Variants in HKDC1 observed in about 807,000 individuals in gnomAD.
HKDC1 encodes the protein hexokinase domain containing 1.
A neutral mutation model predicts 96.6 loss-of-function variants in HKDC1; 66 were observed. That is an observed-to-expected ratio of 0.68 (90% CI 0.56 to 0.84). HKDC1 has a LOEUF of 0.84. Among genes scored for constraint, HKDC1 ranks in the 40% least tolerant of loss-of-function variants. HKDC1 has a pLI of 0.00. For synonymous variants in HKDC1, 466 were observed against 473.1 expected, an observed-to-expected ratio of 0.98 and a Z score of 0.20; for missense variants, 1,211 against 1,208.1, an observed-to-expected ratio of 1.00 and a Z score of -0.04.
chr10:69,240,789 A>G, intron 6 of HKDC1, 38 bp downstream of exon 6: 1 of 1,496,348 alleles, frequency 6.7e-7, no homozygotes. Context: ...GGTAGGGGAG[A>G]AGGGACTGTT....
chr10:69,226,356 G>A (rs1211144137), intron 1 of HKDC1, among the ~76,000 whole-genome samples: 2 of 152,126 alleles, frequency 1.3e-5, no homozygotes, highest in African/African-American at 2.4e-5. Context: ...AACCAAAATG[G>A]ACATTTATGG....
At chr10:69,230,978 G>A (rs1019720972) in intron 2 of HKDC1, among the ~76,000 whole-genome samples, 42 of 152,146 alleles carry the variant, frequency 2.8e-4, no homozygotes, top group African/African-American at 9.7e-4. Flanking sequence ...CTGTTGCCTG[G>A]GCAAGTCCTC....
At chr10:69,232,112 G>A (rs1388080129) in intron 2 of HKDC1, among the ~76,000 whole-genome samples, 1 of 152,176 alleles carries the variant, frequency 6.6e-6, no homozygotes, top group Non-Finnish European at 1.5e-5. Context: ...CAAAATGCTG[G>A]GATTACAGGC....
chr10:69,245,058 T>G (rs1473133988), intron 7 of HKDC1, among the ~76,000 whole-genome samples: 1 of 152,056 alleles, frequency 6.6e-6, no homozygotes, highest in African/African-American at 2.4e-5. Context: ...TGCGCCACCA[T>G]GCCCGGCTAA....
chr10:69,247,662 G>T, intron 9 of HKDC1, 69 bp downstream of exon 9: 1 of 1,259,766 alleles, frequency 7.9e-7, no homozygotes, highest in East Asian at 2.5e-5. Flanking sequence ...GTGTCTTCTG[G>T]ACTATCCTGC....
At chr10:69,237,692 G>A (rs941218949) in intron 4 of HKDC1, among the ~76,000 whole-genome samples, 5 of 152,106 alleles carry the variant, frequency 3.3e-5, no homozygotes, top group African/African-American at 1.2e-4. Context: ...ATCTCTCCCC[G>A]CTCTGTCCCT....
chr10:69,226,852 A>G (rs1291499469), intron 1 of HKDC1, among the ~76,000 whole-genome samples: 1 of 152,084 alleles, frequency 6.6e-6, no homozygotes, highest in Non-Finnish European at 1.5e-5. Flanking sequence ...TTTGGTGGAG[A>G]GGAATGGGAC....
intron 2 of HKDC1, 176 bp from the exon 3 acceptor site, chr10:69,232,588 G>A (rs756419352): frequency 2.4e-5 from 15 of 633,552 alleles, no homozygotes; most frequent in African/African-American, 9.2e-5. Context: ...TCAGCTCTGC[G>A]CCTTACCTCG....
At chr10:69,254,785 C>A (rs1402411875) in intron 12 of HKDC1, among the ~76,000 whole-genome samples, 2 of 152,070 alleles carry the variant, frequency 1.3e-5, no homozygotes, top group African/African-American at 2.4e-5. Flanking sequence ...AGTTCACACA[C>A]AGCGTGAATT....
intron 1 of HKDC1, among the ~76,000 whole-genome samples, chr10:69,223,877 C>T (rs1843107600): frequency 2.0e-5 from 3 of 150,594 alleles, no homozygotes; most frequent in Admixed American, 1.3e-4. Flanking sequence ...GCCACCATGC[C>T]TGGCCTCATT....
rs572781556 is a variant in HKDC1 at position 69,237,809 on chromosome 10, A to C, written c.496-1233A>C. On this transcript the variant is annotated intron_variant, in intron 4 of 17. Transcript: ENST00000354624. Reference sequence around the variant, plus strand: ...AGCCCGAGGGCTGGTCCAGAGTCAGAGACCTGCATTCGGCTTGGGCTCTAT... The same window carrying C: ...AGCCCGAGGGCTGGTCCAGAGTCAGCGACCTGCATTCGGCTTGGGCTCTAT... Among the ~76,000 whole-genome samples, 99 of 109,186 alleles carry C rather than the reference A, an allele frequency of 9.1e-4. 2 individuals are homozygous for C. Among genetic ancestry groups the C allele is most frequent in the Admixed American group, 5.3e-3 (61 of 11,448 alleles). The allele number at this position is 109,186 out of a possible 152,430, so 71.6% of individuals were successfully genotyped here.
At chr10:69,230,885 G>T (rs1170505356) in intron 2 of HKDC1, among the ~76,000 whole-genome samples, 1 of 152,192 alleles carries the variant, frequency 6.6e-6, no homozygotes, top group East Asian at 1.9e-4. Flanking sequence ...CTCCCAAAGT[G>T]CTGGGACCAC....
chr10:69,247,573 C>T lies in HKDC1; in HGVS notation c.1245C>T (p.Thr415=), dbSNP rs746861268. ...GGACCACAGTGGGCATGGACGGCAC[C>T]CTCTACAAGATACACCCTCAGTGAG... ...RLRTTVGMDG[T]LYKIHPQYPK... Residue 415 remains threonine (T), a synonymous_variant, in exon 9 of 18, where the codon ACC becomes ACT. Coordinates refer to ENST00000354624, the MANE Select transcript of HKDC1 (RefSeq NM_025130.4). 1.2e-6 allele frequency: 2 copies of T among 1,614,016 alleles called. No individual in the cohort carries two copies. The highest frequency in any genetic ancestry group is 1.6e-4 in the Middle Eastern group (1 of 6,062).
In HKDC1 at chr10:69,230,354, G is replaced by A. The variant is rs549545101; in HGVS notation, c.227-2410G>A. Among the ~76,000 whole-genome samples the A allele has an allele frequency of 9.9e-5, 15 of 152,274 alleles. 1 individual carries two copies. Among genetic ancestry groups the A allele is most frequent in the African/African-American group, 3.4e-4 (14 of 41,550 alleles). ...GGGTGAGCCCGGGAGCCCTGAGGTCGTCAGCCTGGAGCCTCGAGTGTTTCC... is the reference window on the plus strand; with the variant it reads ...GGGTGAGCCCGGGAGCCCTGAGGTCATCAGCCTGGAGCCTCGAGTGTTTCC... On this transcript the variant is annotated intron_variant, in intron 2 of 17. Coordinates refer to ENST00000354624, the MANE Select transcript of HKDC1 (RefSeq NM_025130.4).
chr10:69,261,433 C>T, intron 16 of HKDC1, 139 bp downstream of exon 16: 2 of 695,888 alleles, frequency 2.9e-6, no homozygotes, highest in Admixed American at 5.7e-5. Context: ...GGCTGCTCTT[C>T]TCTTTCCAAC....
Position 69,220,346 on chromosome 10 carries a change from G to T in HKDC1, c.-90G>T. 2.0e-6 allele frequency: 2 copies of T among 977,488 alleles called. No individual in the cohort carries two copies. Among genetic ancestry groups the T allele is most frequent in the Non-Finnish European group, 3.0e-6 (2 of 676,676 alleles). The allele number at this position is 977,488 out of a possible 1,614,324, so 60.6% of individuals were successfully genotyped here. ...CGCTCCCCAGGAGGTCTGCCAGCCT[G>T]GACTGGAAGCGTGCAACACTCCAGA... On this transcript the variant is annotated 5_prime_UTR_variant, in exon 1 of 18. Coordinates refer to ENST00000354624, the MANE Select transcript of HKDC1 (RefSeq NM_025130.4).
chr10:69,252,477 C>T (rs1034943069), intron 12 of HKDC1, among the ~76,000 whole-genome samples: 11 of 152,000 alleles, frequency 7.2e-5, no homozygotes, highest in Non-Finnish European at 1.5e-4. Flanking sequence ...AACCCCGTCT[C>T]TACTAAAAAT....
At position 69,240,646 on chromosome 10, in the gene HKDC1, C is replaced by T. The variant is rs781477923; in HGVS notation, c.592-6C>T. Reference sequence around the variant, plus strand: ...CGCTGATTCCCTCTGGCCTTGTGTTCGGCAGGACATGGACGTGGACATCCT... The same window carrying T: ...CGCTGATTCCCTCTGGCCTTGTGTTTGGCAGGACATGGACGTGGACATCCT... On this transcript the variant is annotated splice_region_variant and splice_polypyrimidine_tract_variant and intron_variant, in intron 5 of 17. Transcript: ENST00000354624. The T allele has an allele frequency of 6.2e-6, 10 of 1,612,410 alleles. No individual in the cohort carries two copies. Among genetic ancestry groups the T allele is most frequent in the African/African-American group, 5.3e-5 (4 of 74,844 alleles).
chr10:69,241,840 G>C (rs1843460605), intron 6 of HKDC1, among the ~76,000 whole-genome samples: 1 of 152,122 alleles, frequency 6.6e-6, no homozygotes, highest in African/African-American at 2.4e-5. Flanking sequence ...TAGATTACTG[G>C]GGACAAGAGT....
Sources: gnomAD v4.1 joint callset for allele counts (sites outside exome capture counted in the v4.1 genomes callset) on GRCh38, gnomAD v4.1.1 for gene constraint, MANE v1.5 for transcripts, NCBI Gene and HGNC (gene_info 2026-07-23, HGNC 2026-07-21) for gene names.